The following DIPK1A variants were observed in gnomAD, a reference collection of about 807,000 sequenced individuals.
DIPK1A encodes the protein family with sequence similarity 69 member A.
A neutral mutation model predicts 40.8 loss-of-function variants in DIPK1A; 27 were observed. That is an observed-to-expected ratio of 0.66 (90% confidence interval 0.49 to 0.91). The LOEUF is 0.91. DIPK1A is among the 40% of genes least tolerant of loss of function. The pLI is 0.00. For synonymous variants in DIPK1A, 166 were observed against 171.3 expected, an observed-to-expected ratio of 0.97 and a Z score of 0.24; for missense variants, 412 against 505.7, an observed-to-expected ratio of 0.81 and a Z score of 1.78.
At chr1:92,920,183 C>G (rs2100852053) in intron 1 of DIPK1A, among the ~76,000 whole-genome samples, 1 of 152,334 alleles carries the variant, frequency 6.6e-6, no homozygotes, top group Middle Eastern at 3.4e-3. Flanking sequence ...TCTGTGTCAT[C>G]ACCCAAATCT....
chr1:92,941,047 T>C (rs1482809596), intron 1 of DIPK1A, among the ~76,000 whole-genome samples: 1 of 152,166 alleles, frequency 6.6e-6, no homozygotes, highest in Admixed American at 6.5e-5. Context: ...GCAAATATTT[T>C]CTCCCAGTCT....
chr1:92,946,200 T>C (rs1473780370), intron 1 of DIPK1A, among the ~76,000 whole-genome samples: 1 of 152,178 alleles, frequency 6.6e-6, no homozygotes, highest in African/African-American at 2.4e-5. Context: ...CTGCAGACAA[T>C]GGGTTTCAGG....
intron 1 of DIPK1A, among the ~76,000 whole-genome samples, chr1:92,903,427 C>G (rs1375610596): frequency 2.0e-5 from 3 of 152,180 alleles, no homozygotes; most frequent in African/African-American, 7.2e-5. Flanking sequence ...ATTCTATAGG[C>G]AATTACAGTT....
intron 1 of DIPK1A, among the ~76,000 whole-genome samples, chr1:92,959,154 T>G (rs1651959256): frequency 6.6e-6 from 1 of 151,922 alleles, no homozygotes; most frequent in Non-Finnish European, 1.5e-5. Context: ...GGCATGGTGG[T>G]GTGCGCCTGT....
At chr1:92,846,909 G>GTATATATATATACATATATATA (rs1557450401) in intron 4 of DIPK1A, among the ~76,000 whole-genome samples, 1 of 14,202 alleles carries the variant, frequency 7.0e-5, no homozygotes, top group East Asian at 1.9e-3. Context: ...ATATATATAC[G>GTATATATATATACATATATATA]TGTATATATA....
intron 1 of DIPK1A, among the ~76,000 whole-genome samples, chr1:92,884,770 T>C (rs1367318488): frequency 2.6e-5 from 4 of 152,194 alleles, no homozygotes; most frequent in Non-Finnish European, 4.4e-5. Flanking sequence ...TGAGAATGCA[T>C]GGTCCTTTTA....
chr1:92,852,496 G>A (rs570575294), intron 2 of DIPK1A, among the ~76,000 whole-genome samples: 39 of 151,278 alleles, frequency 2.6e-4, no homozygotes, highest in East Asian at 1.8e-3. Context: ...GCGAATCTCC[G>A]TCTCAAAAAA....
intron 4 of DIPK1A, chr1:92,836,066 G>A (rs1486062500): frequency 4.8e-6 from 4 of 830,488 alleles, no homozygotes; most frequent in Admixed American, 1.8e-5. Context: ...TGGTGAAAGG[G>A]TGGGTGTGGA....
intron 1 of DIPK1A, among the ~76,000 whole-genome samples, chr1:92,887,284 G>C (rs1408680429): frequency 6.8e-6 from 1 of 148,092 alleles, no homozygotes; most frequent in Non-Finnish European, 1.5e-5. Flanking sequence ...AAATTAGCTA[G>C]GCATAGTGGC....
chr1:92,841,744 T>A (rs547082637), downstream of DIPK1A: 20 of 1,515,104 alleles, frequency 1.3e-5, no homozygotes, highest in Admixed American at 6.7e-5. Flanking sequence ...GTTTAAAAAA[T>A]ATATATTCCT....
chr1:92,948,296 G>C (rs756745336), intron 1 of DIPK1A, among the ~76,000 whole-genome samples: 2 of 152,164 alleles, frequency 1.3e-5, no homozygotes, highest in African/African-American at 2.4e-5. Flanking sequence ...TGGAAAACTG[G>C]AAGTTTTTCA....
At chr1:92,937,204 T>C (rs1311675318) in intron 1 of DIPK1A, among the ~76,000 whole-genome samples, 1 of 152,106 alleles carries the variant, frequency 6.6e-6, no homozygotes, top group African/African-American at 2.4e-5. Flanking sequence ...CTCATATCTG[T>C]AATCCCAGCA....
intron 1 of DIPK1A, among the ~76,000 whole-genome samples, chr1:92,937,454 T>C (rs1302359075): frequency 6.6e-6 from 1 of 152,162 alleles, no homozygotes; most frequent in Non-Finnish European, 1.5e-5. Flanking sequence ...TTTGTGGGGA[T>C]CACAACAGAA....
chr1:92,867,582 T>C (rs1647614194), intron 2 of DIPK1A, among the ~76,000 whole-genome samples: 3 of 152,320 alleles, frequency 2.0e-5, no homozygotes, highest in East Asian at 3.9e-4. Flanking sequence ...CTCAGCTCAC[T>C]GCAACCTCTG....
At chr1:92,925,372 A>C (rs144721617) in intron 1 of DIPK1A, among the ~76,000 whole-genome samples, 60 of 152,346 alleles carry the variant, frequency 3.9e-4, no homozygotes, top group African/African-American at 1.4e-3. Flanking sequence ...GTCTTTCACA[A>C]ATGTTTGAGA....
intron 1 of DIPK1A, among the ~76,000 whole-genome samples, chr1:92,901,410 T>C (rs1319017240): frequency 6.6e-6 from 1 of 151,978 alleles, no homozygotes; most frequent in Non-Finnish European, 1.5e-5. Flanking sequence ...GCAGGTTGGA[T>C]GTAGGCTGCC....
chr1:92,865,896 A>G (rs1389520618), intron 2 of DIPK1A, among the ~76,000 whole-genome samples: 1 of 152,242 alleles, frequency 6.6e-6, no homozygotes, highest in Non-Finnish European at 1.5e-5. Flanking sequence ...CATAATTTAT[A>G]CGAAATGCAT....
chr1:92,880,392 C>T (rs542149399), intron 1 of DIPK1A, among the ~76,000 whole-genome samples: 2 of 152,230 alleles, frequency 1.3e-5, no homozygotes, highest in East Asian at 1.9e-4. Flanking sequence ...TGTAAGCCCA[C>T]GATGACACAA....
Position 92,850,923 on chromosome 1 carries a change from C to T in DIPK1A, c.222G>A (p.Gly74=), listed in dbSNP as rs1321805462. 6 of 1,574,074 alleles carry T rather than the reference C, an allele frequency of 3.8e-6. No homozygotes were observed. The highest frequency in any genetic ancestry group is 5.2e-6 in the Non-Finnish European group (6 of 1,158,050). ...TAACACAAAGGCTGTTACATGCAGG[C>T]CCATCAATAACTCCAGTCTTGTACT... ...CDKYKTGVID[G]PACNSLCVTE... The change falls in exon 3 of 5, where the codon GGG becomes GGA. Residue 74 remains glycine (G), a synonymous_variant. Coordinates refer to ENST00000370310, the MANE Select transcript of DIPK1A (RefSeq NM_001006605.5).
Sources: allele counts gnomAD v4.1 joint callset (sites outside exome capture counted in the v4.1 genomes callset), GRCh38; gene constraint gnomAD v4.1.1; transcripts MANE v1.5; gene names NCBI Gene and HGNC (gene_info 2026-07-23, HGNC 2026-07-21).